Variants in ZC3H12B observed in about 807,000 individuals in gnomAD.
ZC3H12B encodes the protein probable ribonuclease ZC3H12B.
In ZC3H12B, 7 loss-of-function variants were observed where a neutral mutation model predicts 43.9. That is an observed-to-expected ratio of 0.16 (90% CI 0.09 to 0.30). The LOEUF (loss-of-function observed/expected upper bound fraction) is 0.30, where lower values mean the gene tolerates loss of function less well. ZC3H12B is among the 10% of genes least tolerant of loss of function. The pLI is 1.00. For missense variants in ZC3H12B, 475 were observed against 670.2 expected (o/e 0.71, Z 3.22); for synonymous variants, 222 against 241.7 (o/e 0.92, Z 0.76).
chrX:65,502,869 G>A (rs1386508178), exon 5 of ZC3H12B: 2 of 1,211,364 alleles, frequency 1.7e-6, no homozygotes, highest in Non-Finnish European at 2.2e-6. Flanking sequence ...CCCCTGTGCC[G>A]GGAACAGCAT....
the ZC3H12B span, among the ~76,000 whole-genome samples, chrX:65,102,680 G>T: frequency 0.082 from 9,159 of 111,271 alleles, 1,020 homozygotes; most frequent in African/African-American, 0.29. Flanking sequence ...AACTTACAAG[G>T]CACGTGAAGG....
the ZC3H12B span, among the ~76,000 whole-genome samples, chrX:65,292,085 T>G: frequency 9.0e-6 from 1 of 111,717 alleles, no homozygotes; most frequent in Non-Finnish European, 1.9e-5. Flanking sequence ...TATGAAGACT[T>G]TAAAAGTTCT....
At chrX:65,282,637 G>C in the ZC3H12B span, among the ~76,000 whole-genome samples, 13 of 110,661 alleles carry the variant, frequency 1.2e-4, no homozygotes, top group East Asian at 3.7e-3. Flanking sequence ...ATGATAAAGG[G>C]GATATCACCA....
the ZC3H12B span, among the ~76,000 whole-genome samples, chrX:65,163,284 A>C: frequency 9.0e-6 from 1 of 111,394 alleles, no homozygotes; most frequent in East Asian, 2.9e-4. Context: ...TGGGAGAACC[A>C]CTGCTGTCTT....
the ZC3H12B span, among the ~76,000 whole-genome samples, chrX:65,241,859 G>A: frequency 2.7e-5 from 3 of 111,615 alleles, no homozygotes; most frequent in South Asian, 7.5e-4. Context: ...TCGGTAGAGT[G>A]TACTGATGGA....
chrX:65,323,933 T>C, the ZC3H12B span, among the ~76,000 whole-genome samples: 79 of 112,690 alleles, frequency 7.0e-4, no homozygotes, highest in Admixed American at 1.7e-3. Flanking sequence ...TTTGCATTTC[T>C]CTAATGACCA....
the ZC3H12B span, among the ~76,000 whole-genome samples, chrX:65,073,865 G>C: frequency 9.0e-6 from 1 of 111,526 alleles, no homozygotes; most frequent in Non-Finnish European, 1.9e-5. Flanking sequence ...CCTGTGCAGG[G>C]TTCCCAGCTG....
chrX:65,450,791 A>G (rs201500034), intron 3 of ZC3H12B, among the ~76,000 whole-genome samples: 2 of 73,393 alleles, frequency 2.7e-5, no homozygotes, highest in Non-Finnish European at 4.7e-5. Flanking sequence ...GTATATATGT[A>G]TATATATACA....
At chrX:65,163,214 A>T in the ZC3H12B span, among the ~76,000 whole-genome samples, 1 of 111,591 alleles carries the variant, frequency 9.0e-6, no homozygotes, top group African/African-American at 3.3e-5. Flanking sequence ...CTCGGGGGTC[A>T]GGGGTCAGGG....
At chrX:65,035,824 AT>A in the ZC3H12B span, among the ~76,000 whole-genome samples, 33 of 111,996 alleles carry the variant, frequency 2.9e-4, no homozygotes, top group Non-Finnish European at 9.4e-5. Flanking sequence ...GATAGTACTT[AT>A]ATTAAATAAT....
In ZC3H12B at chrX:65,415,113, G is replaced by A. The variant is rs147641684; in HGVS notation, n.407+16409G>A. The stretch of plus-strand genomic sequence containing the variant: ...CTTGAAGTGGGAGCTTTCTGGTCAT[G>A]GGTGGATTCAAATATTTTTCTGATT... On this transcript the variant is annotated intron_variant and non_coding_transcript_variant, in intron 3 of 5. Coordinates refer to the ZC3H12B transcript ENST00000617377. Among the ~76,000 whole-genome samples the A allele has an allele frequency of 2.8e-3, 316 of 112,485 alleles. 3 individuals are homozygous for A. The highest frequency in any genetic ancestry group is 9.7e-3 in the African/African-American group (302 of 31,018).
chrX:65,299,293 C>T, the ZC3H12B span, among the ~76,000 whole-genome samples: 1 of 111,597 alleles, frequency 9.0e-6, no homozygotes, highest in Non-Finnish European at 1.9e-5. Context: ...TTTTGTGAGG[C>T]CGTCATTACT....
At chrX:65,336,038 C>T in the ZC3H12B span, among the ~76,000 whole-genome samples, 2 of 111,688 alleles carry the variant, frequency 1.8e-5, no homozygotes, top group Non-Finnish European at 3.8e-5. Context: ...GGGTCCTAGG[C>T]CCATGTTCTA....
chrX:65,277,266 G>T, the ZC3H12B span, among the ~76,000 whole-genome samples: 3 of 111,689 alleles, frequency 2.7e-5, no homozygotes, highest in African/African-American at 9.7e-5. Flanking sequence ...TACGGTAATA[G>T]TTGGGGAGTT....
At chrX:65,277,108 A>T in the ZC3H12B span, among the ~76,000 whole-genome samples, 1 of 112,075 alleles carries the variant, frequency 8.9e-6, no homozygotes. Context: ...AAGAAGATTT[A>T]AAAAGAGACA....
At chrX:65,045,762 A>T in the ZC3H12B span, among the ~76,000 whole-genome samples, 1 of 112,299 alleles carries the variant, frequency 8.9e-6, no homozygotes, top group African/African-American at 3.2e-5. Flanking sequence ...GATCCAGCAG[A>T]GGAATCATTG....
At chrX:65,449,954 T>C (rs999822273) in intron 3 of ZC3H12B, among the ~76,000 whole-genome samples, 1 of 111,248 alleles carries the variant, frequency 9.0e-6, no homozygotes, top group African/African-American at 3.3e-5. Flanking sequence ...TTCACCACCA[T>C]ACAATTCATT....
chrX:65,102,627 C>A, the ZC3H12B span, among the ~76,000 whole-genome samples: 1 of 111,696 alleles, frequency 9.0e-6, no homozygotes, highest in Non-Finnish European at 1.9e-5. Context: ...GAGTGAACTC[C>A]CATTCACAAT....
At chrX:65,393,929 T>C (rs935205936) in intron 2 of ZC3H12B, among the ~76,000 whole-genome samples, 1 of 112,606 alleles carries the variant, frequency 8.9e-6, no homozygotes, top group African/African-American at 3.2e-5. Flanking sequence ...GTGGTTTTGA[T>C]TTGCATTTCT....
Sources: allele counts gnomAD v4.1 joint callset (sites outside exome capture counted in the v4.1 genomes callset), GRCh38; gene constraint gnomAD v4.1.1; transcripts MANE v1.5; gene names NCBI Gene and HGNC (gene_info 2026-07-23, HGNC 2026-07-21).